The following SPEN variants were observed in gnomAD, a reference collection of about 807,000 sequenced individuals.
SPEN encodes msx2-interacting protein.
A neutral mutation model predicts 269.9 loss-of-function variants in SPEN; 18 were observed. The observed-to-expected ratio is 0.07, with a 90% confidence interval of 0.05 to 0.10. The LOEUF (loss-of-function observed/expected upper bound fraction) is 0.10. Ranked by LOEUF, SPEN falls within the 10% of genes least tolerant of loss-of-function variation. The pLI is 1.00. For synonymous variants in SPEN, 1,726 were observed against 1,765.7 expected, an observed-to-expected ratio of 0.98 and a Z score of 0.56; for missense variants, 3,822 against 4,631.2, an observed-to-expected ratio of 0.83 and a Z score of 5.07.
intron 5 of SPEN, among the ~76,000 whole-genome samples, chr1:15,912,444 G>T (rs2071020639): frequency 6.6e-6 from 1 of 151,918 alleles, no homozygotes; most frequent in Non-Finnish European, 1.5e-5. Context: ...GAATTTATAG[G>T]GTAAACATGG....
At position 15,932,063 on chromosome 1, in the gene SPEN, T is replaced by G. The variant is rs1458885343; in HGVS notation, c.5823T>G (p.Ala1941=). Residue 1941 remains alanine, a synonymous_variant, in exon 11 of 15, where the codon GCT becomes GCG. Coordinates refer to ENST00000375759, the MANE Select transcript of SPEN (RefSeq NM_015001.3). This position sits in a 1 kb window ranked among gnomAD's most constrained non-coding sequence, Gnocchi z 4.2. ...GATTGGAGCGAGAGCTTCAGGAGGC[T>G]GCAGCGGTTCCCACCACCCCTCGGA... ...RKRLERELQE[A]AAVPTTPRRG... 2.5e-6 allele frequency: 4 copies of G among 1,614,010 alleles called. No individual in the cohort carries two copies. In the African/African-American group the frequency reaches 5.3e-5, roughly 22 times the overall value.
Position 15,932,997 on chromosome 1 carries a change from G to A in SPEN, c.6757G>A (p.Ala2253Thr), listed in dbSNP as rs1237916449. The A allele has an allele frequency of 1.2e-6, 2 of 1,614,168 alleles. No homozygotes were observed. ...SQTDLQPPAG[A>T]QALQPSEEGM... is the part of the protein sequence containing the mutation. ...GACAGATCTGCAACCCCCCGCAGGTGCACAGGCGCTGCAGCCTTCTGAGGA... is the reference window on the plus strand; with the variant it reads ...GACAGATCTGCAACCCCCCGCAGGTACACAGGCGCTGCAGCCTTCTGAGGA... The change falls in exon 11 of 15, where the codon GCA (alanine) becomes ACA (threonine). Residue 2253 changes from alanine to threonine, a missense_variant. Coordinates refer to ENST00000375759, the MANE Select transcript of SPEN (RefSeq NM_015001.3). This position sits in a 1 kb window ranked among gnomAD's most constrained non-coding sequence, Gnocchi z 4.2.
At position 15,935,483 on chromosome 1, in the gene SPEN, C is replaced by T. The variant is rs368348246; in HGVS notation, c.9243C>T (p.Pro3081=). The change falls in exon 11 of 15, where the codon CCC becomes CCT. Residue 3081 remains proline, a synonymous_variant. Coordinates refer to ENST00000375759, the MANE Select transcript of SPEN (RefSeq NM_015001.3). This position sits in a 1 kb window ranked among gnomAD's most constrained non-coding sequence, Gnocchi z 7.7. ...CAGAGCAGTCTGTCATCATGCCACC[C>T]CACAGCATCACCCAGACTGTGTCCC... is the stretch of plus-strand genomic sequence containing the variant. ...IHPEQSVIMP[P]HSITQTVSLS... is the part of the protein sequence containing the mutation. 2.5e-5 allele frequency: 40 copies of T among 1,614,006 alleles called. No homozygotes were observed. In the African/African-American group the frequency reaches 3.9e-4, roughly 16 times the overall value.
chr1:15,904,291 A>G (rs553521796), intron 3 of SPEN, among the ~76,000 whole-genome samples: 47 of 151,952 alleles, frequency 3.1e-4, no homozygotes, highest in African/African-American at 1.1e-3. Flanking sequence ...CAGCCTCACC[A>G]ACATGGTGAA....
At chr1:15,909,218 A>T in intron 3 of SPEN, 103 bp from the exon 4 acceptor site, 1 of 1,271,518 alleles carries the variant, frequency 7.9e-7, no homozygotes, top group Non-Finnish European at 1.1e-6. Context: ...CAGAAATTCC[A>T]GTCTGAAAAT....
chr1:15,903,036 G>A (rs952599721), intron 3 of SPEN, among the ~76,000 whole-genome samples: 2 of 152,134 alleles, frequency 1.3e-5, no homozygotes, highest in Non-Finnish European at 2.9e-5. Context: ...ACAGAAGTCA[G>A]TAACTGGATG....
chr1:15,895,061 T>TA (rs2148720850), intron 3 of SPEN, among the ~76,000 whole-genome samples: 1 of 152,190 alleles, frequency 6.6e-6, no homozygotes, highest in South Asian at 2.1e-4. Flanking sequence ...TAGCTGGGAA[T>TA]ATAGGTATGT....
At chr1:15,886,081 C>T (rs1313392196) in intron 3 of SPEN, among the ~76,000 whole-genome samples, 1 of 152,116 alleles carries the variant, frequency 6.6e-6, no homozygotes, top group Non-Finnish European at 1.5e-5. Context: ...TTCTGGATTT[C>T]CTTTTTTGGT....
chr1:15,927,224 A>G lies in SPEN; in HGVS notation c.1851-867A>G, dbSNP rs933080014. On this transcript the variant is annotated intron_variant, in intron 10 of 14. Coordinates refer to ENST00000375759, the MANE Select transcript of SPEN (RefSeq NM_015001.3). ...GAGAAAACCTGTGGTGAGTTCCTTA[A>G]AACTGGAGGAGTTCTCTCATGGTGC... 4.6e-5 allele frequency among the ~76,000 whole-genome samples: 7 copies of G among 152,322 alleles called. No homozygotes were observed. In the East Asian group the frequency reaches 1.2e-3, roughly 25 times the overall value.
intron 1 of SPEN, among the ~76,000 whole-genome samples, chr1:15,849,144 T>C (rs2070307742): frequency 6.6e-6 from 1 of 152,200 alleles, no homozygotes; most frequent in African/African-American, 2.4e-5. Context: ...AAAATGACGA[T>C]TGGCTTGGAC....
At position 15,932,456 on chromosome 1, in the gene SPEN, C is replaced by T; in HGVS notation, c.6216C>T (p.Asn2072=). 2 of 1,612,508 alleles carry T rather than the reference C, an allele frequency of 1.2e-6. No individual in the cohort carries two copies. The highest frequency in any genetic ancestry group is 2.2e-5 in the East Asian group (1 of 44,862). Residue 2072 remains asparagine (N), a synonymous_variant, in exon 11 of 15, where the codon AAC becomes AAT. Coordinates refer to ENST00000375759, the MANE Select transcript of SPEN (RefSeq NM_015001.3). This position sits in a 1 kb window ranked among gnomAD's most constrained non-coding sequence, Gnocchi z 4.2. ...VVEKKPAPEK[N]SKSKRGRSRN... ...AGAAAAAACCGGCCCCTGAAAAAAA[C>T]TCCAAATCAAAGAGAGGAAGATCTC...
chr1:15,922,401 A>G (rs1211242816), intron 10 of SPEN, 52 bp downstream of exon 10: 2 of 1,242,272 alleles, frequency 1.6e-6, no homozygotes, highest in South Asian at 1.3e-5. Context: ...GTTTTAATAC[A>G]GAAACTTAAG....
chr1:15,931,308 G>C lies in SPEN; in HGVS notation c.5068G>C (p.Ala1690Pro). ...AGAAGCAAAGCCTGCATCTGAACCT[G>C]CTCCTGCCCCTGTGGAACAGCTGGA... ...SEEAKPASEP[A>P]PAPVEQLEQV... The change falls in exon 11 of 15, where the codon GCT becomes CCT. Residue 1690 changes from alanine to proline, a missense_variant. Transcript: ENST00000375759. The surrounding 1 kb of genome is among the most constrained non-coding windows in gnomAD (Gnocchi z 4.8). 6.2e-7 allele frequency: 1 copy of C among 1,614,174 alleles called. No homozygotes were observed. The highest frequency in any genetic ancestry group is 8.5e-7 in the Non-Finnish European group (1 of 1,180,026).
chr1:15,920,400 T>C (rs2071107137), intron 8 of SPEN, among the ~76,000 whole-genome samples: 1 of 152,212 alleles, frequency 6.6e-6, no homozygotes, highest in Non-Finnish European at 1.5e-5. Context: ...TTTAGAGAAA[T>C]ACACATCTTA....
intron 1 of SPEN, among the ~76,000 whole-genome samples, chr1:15,849,118 G>A (rs1431948790): frequency 1.3e-5 from 2 of 152,158 alleles, no homozygotes; most frequent in Admixed American, 6.5e-5. Context: ...ATAGGCCTCC[G>A]CATAAAACAC....
chr1:15,874,045 T>A lies in SPEN; in HGVS notation c.404+909T>A, dbSNP rs976382549. ...TGGCGAGCAACTGTGCCTTCCTCAT[T>A]CGTTGGAATTGTAGAGGATATTTCC... On this transcript the variant is annotated intron_variant, in intron 2 of 14. Transcript: ENST00000375759. The A allele has an allele frequency of 9.5e-6, 12 of 1,258,508 alleles. No homozygotes were observed. In the African/African-American group the frequency reaches 1.4e-4, roughly 15 times the overall value. 78.0% of individuals were successfully genotyped at this position (1,258,508 alleles called of 1,614,324 possible).
intron 3 of SPEN, among the ~76,000 whole-genome samples, chr1:15,887,794 G>A (rs1289751913): frequency 1.3e-5 from 2 of 151,084 alleles, no homozygotes; most frequent in Non-Finnish European, 3.0e-5. Context: ...GGCTGAGGCG[G>A]GTGGATCACT....
intron 3 of SPEN, among the ~76,000 whole-genome samples, chr1:15,908,851 T>C (rs1490330459): frequency 1.3e-5 from 2 of 152,354 alleles, no homozygotes; most frequent in Non-Finnish European, 1.5e-5. Flanking sequence ...TGTTGGCTGA[T>C]AGTCCTGTGT....
chr1:15,861,019 C>T (rs539262651), intron 1 of SPEN, among the ~76,000 whole-genome samples: 141 of 152,250 alleles, frequency 9.3e-4, no homozygotes, highest in African/African-American at 3.0e-3. Flanking sequence ...ATTCTGCCAC[C>T]TCAGCCTCCC....
Sources: allele counts gnomAD v4.1 joint callset (sites outside exome capture counted in the v4.1 genomes callset), GRCh38; gene constraint gnomAD v4.1.1; non-coding constraint Gnocchi (gnomAD v3.1); transcripts MANE v1.5; gene names NCBI Gene and HGNC (gene_info 2026-07-23, HGNC 2026-07-21).